Variants in IQSEC1 observed in about 807,000 individuals in gnomAD.
IQSEC1 encodes the protein IQ motif and Sec7 domain ArfGEF 1, also known as IQ motif and SEC7 domain-containing protein 1.
In IQSEC1, 31 loss-of-function variants were observed where a neutral mutation model predicts 91.0. The observed-to-expected ratio is 0.34, with a 90% confidence interval of 0.26 to 0.46. The LOEUF (loss-of-function observed/expected upper bound fraction) is 0.46. IQSEC1 is among the 20% of genes least tolerant of loss of function. The probability of loss-of-function intolerance (pLI) is 1.00; values close to 1 mark genes in which losing one functional copy is unlikely to be tolerated. For synonymous variants in IQSEC1, 699 were observed against 662.6 expected (o/e 1.05, Z -0.84); for missense variants, 1,388 against 1,575.6 (o/e 0.88, Z 2.02).
intron 1 of IQSEC1, among the ~76,000 whole-genome samples, chr3:13,034,086 A>G (rs1703943150): frequency 1.3e-5 from 2 of 152,118 alleles, no homozygotes; most frequent in Admixed American, 1.3e-4. Flanking sequence ...ATACAGTCCC[A>G]TTTGGAGGTA....
In IQSEC1 at chr3:12,900,886, G is replaced by T. The variant is rs1278909639; in HGVS notation, c.*97C>A. 5.2e-6 allele frequency: 8 copies of T among 1,535,018 alleles called. No individual in the cohort carries two copies. Among genetic ancestry groups the T allele is most frequent in the African/African-American group, 1.4e-5 (1 of 73,020 alleles). ...GGGGCAGAGGGGAGAGATGGCAACA[G>T]AAGTGCCCCGGGTTTGGTGTGCGGC... On this transcript the variant is annotated 3_prime_UTR_variant, in exon 14 of 14. Coordinates refer to ENST00000613206, the MANE Select transcript of IQSEC1 (RefSeq NM_001134382.3).
Position 12,936,010 on chromosome 3 carries a change from C to T in IQSEC1, c.1006G>A (p.Glu336Lys). The change falls in exon 3 of 14, where the codon GAG becomes AAG. Residue 336 changes from glutamate (E) to lysine (K), a missense_variant. This residue lies in a region of IQSEC1 where 1,059 missense variants were observed against 1,317.8 expected (regional missense o/e 0.80). Transcript: ENST00000613206. ...APDYWALAHK[E>K]DKADTDTSCR... ...CTCGTGTCCGTGTCAGCCTTGTCCT[C>T]TTTGTGGGCCAGGGCCCAGTAGTCT... 1 of 1,600,860 alleles carries T rather than the reference C, an allele frequency of 6.2e-7. No individual in the cohort carries two copies. The highest frequency in any genetic ancestry group is 8.5e-7 in the Non-Finnish European group (1 of 1,179,786).
At chr3:13,127,718 A>G (rs769172284) in intron 2 of IQSEC1, among the ~76,000 whole-genome samples, 13 of 152,232 alleles carry the variant, frequency 8.5e-5, no homozygotes, top group Non-Finnish European at 1.5e-4. Context: ...CATTAAGCCT[A>G]AAGATCAACT....
chr3:12,904,008 G>A (rs1021234297), intron 12 of IQSEC1, among the ~76,000 whole-genome samples: 16 of 152,084 alleles, frequency 1.1e-4, no homozygotes, highest in Admixed American at 5.9e-4. Context: ...ACCCTAGGCC[G>A]GGTTGGGCCC....
At chr3:12,950,647 T>A (rs1378841005) in intron 1 of IQSEC1, among the ~76,000 whole-genome samples, 2 of 31,564 alleles carry the variant, frequency 6.3e-5, no homozygotes, top group Admixed American at 3.0e-4. Context: ...TCTCTACAAA[T>A]TTTTTTTTTT....
At chr3:13,243,028 C>T (rs867562359) in intron 1 of IQSEC1, among the ~76,000 whole-genome samples, 15 of 152,314 alleles carry the variant, frequency 9.8e-5, no homozygotes, top group Middle Eastern at 6.8e-3. Context: ...ACAGGGTTGA[C>T]TCCTTCTGGG....
chr3:13,240,560 G>A (rs1054219389), intron 1 of IQSEC1, among the ~76,000 whole-genome samples: 8 of 152,144 alleles, frequency 5.3e-5, no homozygotes, highest in African/African-American at 1.4e-4. Flanking sequence ...AGGGGTGGGC[G>A]CCAGTTGGTA....
At chr3:13,091,979 G>C (rs1705869164) in intron 2 of IQSEC1, among the ~76,000 whole-genome samples, 1 of 152,108 alleles carries the variant, frequency 6.6e-6, no homozygotes, top group Non-Finnish European at 1.5e-5. Flanking sequence ...CATGGGGGAG[G>C]TGGTCAGTGT....
upstream of IQSEC1, among the ~76,000 whole-genome samples, chr3:13,073,896 G>C (rs1469959810): frequency 6.6e-6 from 1 of 152,252 alleles, no homozygotes; most frequent in Non-Finnish European, 1.5e-5. Context: ...GGTTCCAGGA[G>C]GGCGCACCAC....
chr3:12,906,048 G>A (rs1401516851), intron 12 of IQSEC1, among the ~76,000 whole-genome samples: 2 of 152,198 alleles, frequency 1.3e-5, no homozygotes, highest in Non-Finnish European at 2.9e-5. Flanking sequence ...TGGCACAACA[G>A]AGGCTTCTGC....
chr3:13,053,769 G>A (rs1322011913), intron 1 of IQSEC1, among the ~76,000 whole-genome samples: 1 of 152,160 alleles, frequency 6.6e-6, no homozygotes. Context: ...TTCCAAAGGG[G>A]TGGGGAGGCC....
intron 1 of IQSEC1, among the ~76,000 whole-genome samples, chr3:13,182,703 T>C (rs1421107320): frequency 6.6e-6 from 1 of 152,132 alleles, no homozygotes; most frequent in African/African-American, 2.4e-5. Flanking sequence ...TCTCCCCAGG[T>C]CAAAGAGGAA....
At chr3:13,177,864 C>G (rs1222482933) in intron 1 of IQSEC1, among the ~76,000 whole-genome samples, 1 of 152,304 alleles carries the variant, frequency 6.6e-6, no homozygotes, top group Non-Finnish European at 1.5e-5. Flanking sequence ...GCAGGGGCTA[C>G]ACAGCCACTC....
At chr3:13,263,452 A>G (rs1458206157) in intron 1 of IQSEC1, among the ~76,000 whole-genome samples, 1 of 135,446 alleles carries the variant, frequency 7.4e-6, no homozygotes, top group Admixed American at 7.6e-5. Context: ...AGTACCTGAC[A>G]CTTTTTTTTT....
Position 12,897,813 on chromosome 3 carries a change from C to T in IQSEC1, c.*3170G>A, listed in dbSNP as rs1444356268. ...TAAGAAAAACAAGAGGCTCCTGCTGCATGCAGTGTGTGAGGGAAAGATCAC... is the reference window on the plus strand; with the variant it reads ...TAAGAAAAACAAGAGGCTCCTGCTGTATGCAGTGTGTGAGGGAAAGATCAC... On this transcript the variant is annotated 3_prime_UTR_variant, in exon 14 of 14. Transcript: ENST00000613206. 1.3e-5 allele frequency: 2 copies of T among 152,230 alleles called. No homozygotes were observed. The highest frequency in any genetic ancestry group is 1.3e-4 in the Admixed American group (2 of 15,286). 9.4% of individuals were successfully genotyped at this position (152,230 alleles called of 1,614,324 possible).
At chr3:13,102,005 T>C (rs1251299460) in intron 2 of IQSEC1, among the ~76,000 whole-genome samples, 1 of 152,104 alleles carries the variant, frequency 6.6e-6, no homozygotes, top group Admixed American at 6.5e-5. Context: ...TAATAAACTC[T>C]GCCCGCTCAT....
intron 1 of IQSEC1, among the ~76,000 whole-genome samples, chr3:13,247,414 C>A (rs1038671700): frequency 6.6e-6 from 1 of 152,220 alleles, no homozygotes; most frequent in African/African-American, 2.4e-5. Context: ...ACTGCAGCAC[C>A]TGGATGAATG....
chr3:13,226,472 AC>A (rs565714219), intron 1 of IQSEC1, among the ~76,000 whole-genome samples: 1 of 151,552 alleles, frequency 6.6e-6, no homozygotes, highest in African/African-American at 2.4e-5. Context: ...AAAATTCTTG[AC>A]CCCCCAGGCT....
At chr3:12,907,509 G>A (rs1249336299) in intron 12 of IQSEC1, among the ~76,000 whole-genome samples, 1 of 152,202 alleles carries the variant, frequency 6.6e-6, no homozygotes, top group Non-Finnish European at 1.5e-5. Context: ...TGGACAGACT[G>A]TTCGGCGGAG....
Sources: gnomAD v4.1 joint callset for allele counts (sites outside exome capture counted in the v4.1 genomes callset) on GRCh38, gnomAD v4.1.1 for gene constraint, gnomAD v4.1.1 regional missense constraint, MANE v1.5 for transcripts, NCBI Gene and HGNC (gene_info 2026-07-23, HGNC 2026-07-21) for gene names.